HEMK2: variants seen among roughly 807,000 people sequenced by gnomAD.
HEMK2 encodes the protein methyltransferase HEMK2.
the HEMK2 span, among the ~76,000 whole-genome samples, chr21:28,824,539 G>C: frequency 1.3e-5 from 2 of 152,108 alleles, no homozygotes; most frequent in Non-Finnish European, 2.9e-5. Flanking sequence ...GAAGAAAAAC[G>C]TATTAGTATT....
At chr21:28,876,769 T>C in the HEMK2 span, among the ~76,000 whole-genome samples, 1 of 152,092 alleles carries the variant, frequency 6.6e-6, no homozygotes, top group Non-Finnish European at 1.5e-5. Flanking sequence ...TTGTCATTGT[T>C]ATTATAGCAA....
chr21:28,800,359 C>CT, the HEMK2 span, among the ~76,000 whole-genome samples: 274 of 148,462 alleles, frequency 1.8e-3, no homozygotes, highest in African/African-American at 4.5e-3. Context: ...TTAATGTAAT[C>CT]TTTTTTTTTT....
the HEMK2 span, among the ~76,000 whole-genome samples, chr21:28,869,290 G>A: frequency 2.0e-4 from 30 of 152,194 alleles, no homozygotes; most frequent in African/African-American, 5.3e-4. Flanking sequence ...CTATTAAACC[G>A]TGGTTACATT....
At chr21:28,727,658 GATTA>G in the HEMK2 span, among the ~76,000 whole-genome samples, 7 of 152,200 alleles carry the variant, frequency 4.6e-5, no homozygotes, top group African/African-American at 1.7e-4. Context: ...GCATATAATA[GATTA>G]ATTTGTGGGG....
the HEMK2 span, among the ~76,000 whole-genome samples, chr21:28,713,613 C>T: frequency 4.7e-3 from 713 of 152,274 alleles, 5 homozygotes; most frequent in Middle Eastern, 0.027. Flanking sequence ...CCTTTGCATC[C>T]TAGCCTAGTA....
chr21:28,776,666 G>A, the HEMK2 span, among the ~76,000 whole-genome samples: 39 of 152,324 alleles, frequency 2.6e-4, no homozygotes, highest in Non-Finnish European at 4.3e-4. Flanking sequence ...TAGGGAAGCC[G>A]ACAGTGCAGC....
the HEMK2 span, among the ~76,000 whole-genome samples, chr21:28,691,383 G>C: frequency 2.0e-5 from 3 of 152,144 alleles, no homozygotes; most frequent in Admixed American, 6.6e-5. Context: ...AAATATCTCT[G>C]ATGGGGTTCA....
the HEMK2 span, among the ~76,000 whole-genome samples, chr21:28,721,900 TCACACACACACACACACA>T: frequency 7.9e-6 from 1 of 127,296 alleles, no homozygotes; most frequent in South Asian, 2.6e-4. Context: ...TTCTTAACCA[TCACACACACACACACACA>T]CACACACACA....
chr21:28,858,093 T>C, the HEMK2 span, among the ~76,000 whole-genome samples: 6 of 152,242 alleles, frequency 3.9e-5, no homozygotes, highest in Non-Finnish European at 7.3e-5. Context: ...CATGCTCCTT[T>C]CTTTTTATTT....
chr21:28,706,814 G>A, the HEMK2 span, among the ~76,000 whole-genome samples: 3 of 152,076 alleles, frequency 2.0e-5, no homozygotes, highest in African/African-American at 7.2e-5. Flanking sequence ...CATTATTCTT[G>A]GTAGCTGTAT....
At chr21:28,809,044 T>C in the HEMK2 span, among the ~76,000 whole-genome samples, 7 of 152,312 alleles carry the variant, frequency 4.6e-5, no homozygotes, top group East Asian at 1.2e-3. Flanking sequence ...TAAAATTTTG[T>C]CTTTAATGAA....
chr21:28,803,816 G>A, the HEMK2 span, among the ~76,000 whole-genome samples: 1 of 151,936 alleles, frequency 6.6e-6, no homozygotes, highest in Non-Finnish European at 1.5e-5. Flanking sequence ...TATTTCTTGG[G>A]TACCCCAATT....
the HEMK2 span, among the ~76,000 whole-genome samples, chr21:28,796,630 TCA>T: frequency 6.6e-6 from 1 of 152,144 alleles, no homozygotes; most frequent in Non-Finnish European, 1.5e-5. Context: ...AGTGGTGCAA[TCA>T]CAGTTTACTG....
the HEMK2 span, among the ~76,000 whole-genome samples, chr21:28,701,545 GCCACACACACACAT>G: frequency 1.6e-5 from 2 of 123,348 alleles, no homozygotes; most frequent in African/African-American, 7.1e-5. Flanking sequence ...ATTCACAATA[GCCACACACACACAT>G]ACACACACAC....
At chr21:28,683,277 A>G in the HEMK2 span, among the ~76,000 whole-genome samples, 1 of 152,198 alleles carries the variant, frequency 6.6e-6, no homozygotes, top group Non-Finnish European at 1.5e-5. Context: ...ACAGTCACAC[A>G]GGTATAACAA....
the HEMK2 span, among the ~76,000 whole-genome samples, chr21:28,797,614 C>A: frequency 6.8e-6 from 1 of 146,590 alleles, no homozygotes; most frequent in Non-Finnish European, 1.5e-5. Context: ...GACTCTGTCT[C>A]AAAAAAAAAG....
the HEMK2 span, among the ~76,000 whole-genome samples, chr21:28,842,106 C>A: frequency 2.0e-5 from 3 of 152,126 alleles, no homozygotes; most frequent in Non-Finnish European, 4.4e-5. Flanking sequence ...CTGGGGTGGT[C>A]TTAGGGATAG....
chr21:28,589,479 C>A, the HEMK2 span, among the ~76,000 whole-genome samples: 60,771 of 151,952 alleles, frequency 0.4, 12,644 homozygotes, highest in South Asian at 0.5. Context: ...AGGAACTTCA[C>A]ATGGGCAATG....
At chr21:28,587,171 TAAACA>T in the HEMK2 span, among the ~76,000 whole-genome samples, 2 of 61,148 alleles carry the variant, frequency 3.3e-5, no homozygotes, top group African/African-American at 1.5e-4. Flanking sequence ...GACAAGGAAA[TAAACA>T]AAAAAAAAAA....
Sources: allele counts gnomAD v4.1 joint callset (sites outside exome capture counted in the v4.1 genomes callset), GRCh38; gene constraint gnomAD v4.1.1; transcripts MANE v1.5; gene names NCBI Gene and HGNC (gene_info 2026-07-23, HGNC 2026-07-21).